PATJ: variants seen among roughly 807,000 people sequenced by gnomAD.
The protein encoded by PATJ is PATJ crumbs cell polarity complex component, also known as inaD-like protein.
In PATJ, 190 loss-of-function variants were observed where a neutral mutation model predicts 224.9. The ratio of observed to expected loss-of-function variants is 0.84; its 90% CI spans 0.75 to 0.95. PATJ has a LOEUF of 0.95. Ranked by LOEUF, PATJ falls within the 40% of genes least tolerant of loss-of-function variation. The probability of loss-of-function intolerance (pLI) is 0.00; values close to 1 mark genes in which losing one functional copy is unlikely to be tolerated. For synonymous variants in PATJ, 769 were observed against 820.3 expected, an observed-to-expected ratio of 0.94 and a Z score of 1.07; for missense variants, 2,121 against 2,270.3, an observed-to-expected ratio of 0.93 and a Z score of 1.34.
chr1:61,860,347 C>T (rs143030586), intron 18 of PATJ, among the ~76,000 whole-genome samples: 1,569 of 152,256 alleles, frequency 0.01, 17 homozygotes, highest in Non-Finnish European at 0.015. Flanking sequence ...AGATGTGAGG[C>T]ACCACGCCCT....
chr1:61,861,219 G>A (rs921063331), intron 18 of PATJ, among the ~76,000 whole-genome samples: 3 of 139,102 alleles, frequency 2.2e-5, no homozygotes, highest in Non-Finnish European at 4.6e-5. Flanking sequence ...ATTTTGTGTT[G>A]TGTATTTGTC....
At chr1:61,777,991 C>G (rs925466849) in intron 7 of PATJ, among the ~76,000 whole-genome samples, 4 of 151,980 alleles carry the variant, frequency 2.6e-5, no homozygotes, top group Admixed American at 6.6e-5. Flanking sequence ...GTGATCCCCC[C>G]ACCTCAGCTT....
Position 62,086,027 on chromosome 1 carries a change from T to TGGTTTTG in PATJ, c.4377+1380_4377+1386dup, listed in dbSNP as rs1325478024. 6.6e-6 allele frequency among the ~76,000 whole-genome samples: 1 copy of TGGTTTTG among 152,138 alleles called. No homozygotes were observed. Among genetic ancestry groups the TGGTTTTG allele is most frequent in the Non-Finnish European group, 1.5e-5 (1 of 68,010 alleles). ...TGGGGTCTTGCTATGTTGCCCAAGC[T>TGGTTTTG]GGTTTTGAACTCCTAGGCTCAAGCG... On this transcript the variant is annotated intron_variant, in intron 33 of 43. Coordinates refer to ENST00000642238, the MANE Select transcript of PATJ (RefSeq NM_001350145.3). This position sits in a 1 kb window ranked among gnomAD's most constrained non-coding sequence, Gnocchi z 4.0.
intron 17 of PATJ, among the ~76,000 whole-genome samples, chr1:61,841,859 A>G (rs1164471657): frequency 6.6e-6 from 1 of 152,172 alleles, no homozygotes; most frequent in Non-Finnish European, 1.5e-5. Context: ...AAAGTACTGT[A>G]AGTTCCAGTG....
At chr1:61,939,746 C>T (rs1677507570) in intron 27 of PATJ, among the ~76,000 whole-genome samples, 1 of 115,370 alleles carries the variant, frequency 8.7e-6, no homozygotes, top group Non-Finnish European at 1.7e-5. Context: ...GTGATCTCGG[C>T]TCACTGCAAC....
rs115206042 is a variant in PATJ, at chr1:61,754,075, C to T, written c.-35-8783C>T. On this transcript the variant is annotated intron_variant, in intron 1 of 43. Coordinates refer to ENST00000642238, the MANE Select transcript of PATJ (RefSeq NM_001350145.3). Reference sequence around the variant, plus strand: ...CTCTTGATCAATGATGGAGTGGAAGCTCCCAAGCATAATAAAGTTCTCATT... The same window carrying T: ...CTCTTGATCAATGATGGAGTGGAAGTTCCCAAGCATAATAAAGTTCTCATT... Among the ~76,000 whole-genome samples the T allele has an allele frequency of 5.0e-3, 759 of 152,246 alleles. 5 individuals are homozygous for T. Among genetic ancestry groups the T allele is most frequent in the African/African-American group, 0.017 (712 of 41,548 alleles).
chr1:61,806,152 A>G (rs1299807727), intron 13 of PATJ, among the ~76,000 whole-genome samples: 2 of 152,232 alleles, frequency 1.3e-5, no homozygotes, highest in African/African-American at 4.8e-5. Flanking sequence ...ACAAGCCTCT[A>G]CAGTGTTCAC....
intron 1 of PATJ, among the ~76,000 whole-genome samples, chr1:61,744,804 C>G (rs1167052480): frequency 6.6e-6 from 1 of 152,178 alleles, no homozygotes; most frequent in East Asian, 1.9e-4. Context: ...TGATGCCAAT[C>G]ACAAGTCCTA....
In PATJ at chr1:61,783,984, C is replaced by G. The variant is rs564125141; in HGVS notation, c.850-3770C>G. Among the ~76,000 whole-genome samples the G allele has an allele frequency of 5.3e-5, 8 of 151,912 alleles. 1 individual carries two copies. The highest frequency in any genetic ancestry group is 5.2e-4 in the Admixed American group (8 of 15,250). On this transcript the variant is annotated intron_variant, in intron 7 of 43. Transcript: ENST00000642238. Reference sequence around the variant, plus strand: ...GTTTGGTGATAGAGTGAGACTCCCTCTCAAACAAAAACAAAAACAAAAACT... The same window carrying G: ...GTTTGGTGATAGAGTGAGACTCCCTGTCAAACAAAAACAAAAACAAAAACT...
intron 22 of PATJ, among the ~76,000 whole-genome samples, chr1:61,894,013 G>A (rs984598907): frequency 1.3e-5 from 2 of 151,966 alleles, no homozygotes; most frequent in African/African-American, 2.4e-5. Context: ...CTAGCACTTC[G>A]GGAGGCTGAG....
chr1:61,827,490 C>G lies in PATJ; in HGVS notation c.1887C>G (p.Pro629=). Residue 629 remains proline, a synonymous_variant, in exon 16 of 44, where the codon CCC becomes CCG. Transcript: ENST00000642238. ...TCTCCTTTCTTAAAGAAGTGCCACC[C>G]CCTTTTACTTTGGTTTGCTGTCGGA... ...EAVSFLKEVP[P]PFTLVCCRRL... The G allele has an allele frequency of 2.5e-6, 4 of 1,614,000 alleles. No homozygotes were observed. In the South Asian group the frequency reaches 3.3e-5, roughly 13 times the overall value.
intron 1 of PATJ, among the ~76,000 whole-genome samples, chr1:61,748,745 A>AC (rs1645163756): frequency 6.6e-6 from 1 of 151,106 alleles, no homozygotes; most frequent in South Asian, 2.1e-4. Flanking sequence ...ACTAGCCCTG[A>AC]CCCCCTGGGC....
At chr1:61,977,960 A>G (rs1212530499) in intron 27 of PATJ, among the ~76,000 whole-genome samples, 2 of 151,760 alleles carry the variant, frequency 1.3e-5, no homozygotes, top group Admixed American at 6.6e-5. Context: ...AGAAAACTAT[A>G]CTATAGTTTG....
intron 33 of PATJ, among the ~76,000 whole-genome samples, chr1:62,095,846 C>G (rs1207107589): frequency 6.6e-6 from 1 of 152,156 alleles, no homozygotes; most frequent in Non-Finnish European, 1.5e-5. Flanking sequence ...AGCTTCTAGT[C>G]AACATTTTCA....
At chr1:61,893,323 A>G (rs965974586) in intron 22 of PATJ, among the ~76,000 whole-genome samples, 4 of 152,348 alleles carry the variant, frequency 2.6e-5, no homozygotes, top group Admixed American at 6.5e-5. Context: ...AAAGAAATCT[A>G]AAATTGTTCA....
At chr1:61,911,695 T>TATATATATA (rs1672666028) in intron 25 of PATJ, among the ~76,000 whole-genome samples, 95 of 140,590 alleles carry the variant, frequency 6.8e-4, no homozygotes, top group Non-Finnish European at 8.6e-4. Context: ...CTATATATTT[T>TATATATATA]TATATATATA....
intron 31 of PATJ, among the ~76,000 whole-genome samples, chr1:62,077,303 G>A (rs1362951539): frequency 1.3e-5 from 2 of 152,104 alleles, no homozygotes; most frequent in Non-Finnish European, 2.9e-5. Context: ...TTTTCTTATA[G>A]TAACCCCTTA....
intron 27 of PATJ, among the ~76,000 whole-genome samples, chr1:61,958,680 C>T (rs533515641): frequency 2.0e-4 from 31 of 152,260 alleles, no homozygotes; most frequent in Admixed American, 6.5e-4. Flanking sequence ...CCTCAGGGAA[C>T]ACAGAGGAGA....
chr1:61,787,905 T>C lies in PATJ; in HGVS notation c.1001T>C (p.Val334Ala), dbSNP rs759459565. The part of the protein sequence containing the change: ...VARDPAGDIS[V>A]TPPAPAALPV... ...AGAGATCCAGCTGGTGACATTTCAG[T>C]CACCCCCCCTGCCCCTGCAGCCTTA... Residue 334 changes from valine to alanine, a missense_variant, in exon 8 of 44, where the codon GTC (valine) becomes GCC (alanine). Val to Ala is a moderately conservative substitution (Grantham distance 64). Transcript: ENST00000642238. 2.5e-6 allele frequency: 4 copies of C among 1,614,068 alleles called. No homozygotes were observed. In the South Asian group the frequency reaches 4.4e-5, roughly 18 times the overall value.
Sources: allele counts gnomAD v4.1 joint callset (sites outside exome capture counted in the v4.1 genomes callset), GRCh38; gene constraint gnomAD v4.1.1; non-coding constraint Gnocchi (gnomAD v3.1); transcripts MANE v1.5; gene names NCBI Gene and HGNC (gene_info 2026-07-23, HGNC 2026-07-21).